The following BCAS4 variants were observed in gnomAD, a reference collection of about 807,000 sequenced individuals.
BCAS4 encodes breast carcinoma-amplified sequence 4.
BCAS4 carries 9 observed loss-of-function variants against 15.7 expected under a neutral mutation model. That is an observed-to-expected ratio of 0.57 (90% CI 0.34 to 1.00). BCAS4 has a LOEUF of 1.00. Among genes scored for constraint, BCAS4 ranks in the 50% least tolerant of loss-of-function variants. The probability of loss-of-function intolerance (pLI) is 0.02; values close to 1 mark genes in which losing one functional copy is unlikely to be tolerated. For synonymous variants in BCAS4, 101 were observed against 99.5 expected (o/e 1.02, Z -0.09); for missense variants, 225 against 239.1 (o/e 0.94, Z 0.39).
intron 4 of BCAS4, among the ~76,000 whole-genome samples, chr20:50,843,355 G>C (rs549487821): frequency 9.2e-5 from 14 of 152,336 alleles, no homozygotes; most frequent in Non-Finnish European, 1.8e-4. Flanking sequence ...GGTACTAACA[G>C]TATCTCCATT....
chr20:50,873,408 G>A (rs754540118), intron 4 of BCAS4, among the ~76,000 whole-genome samples: 1 of 152,230 alleles, frequency 6.6e-6, no homozygotes, highest in Non-Finnish European at 1.5e-5. Flanking sequence ...ACCAGGAGAA[G>A]AAGGGCCGTG....
chr20:50,798,121 C>A (rs1453033412), intron 1 of BCAS4, among the ~76,000 whole-genome samples: 1 of 151,752 alleles, frequency 6.6e-6, no homozygotes, highest in South Asian at 2.1e-4. Context: ...CATGGTGGAA[C>A]CCTGTCTCTA....
At chr20:50,802,079 A>G (rs1307329960) in intron 1 of BCAS4, among the ~76,000 whole-genome samples, 4 of 152,156 alleles carry the variant, frequency 2.6e-5, no homozygotes, top group Admixed American at 6.5e-5. Context: ...TCATGCCTGT[A>G]GTCCCAGCAG....
At chr20:50,880,173 T>C (rs139131280), downstream of BCAS4, 1 of 152,298 alleles carries the variant, frequency 6.6e-6, no homozygotes, top group Non-Finnish European at 1.5e-5. Flanking sequence ...GGGGAAAAGG[T>C]GACAAGTGAA....
intron 4 of BCAS4, among the ~76,000 whole-genome samples, chr20:50,872,727 C>T (rs1979719229): frequency 6.6e-6 from 1 of 152,234 alleles, no homozygotes; most frequent in Non-Finnish European, 1.5e-5. Context: ...TGGCTCATGC[C>T]CCTCTGCCCC....
At position 50,841,117 on chromosome 20, in the gene BCAS4, A is replaced by T. The variant is rs1351054062; in HGVS notation, c.265-649A>T. ...AGTGCTGGGATTACAGGCGTGAGCC[A>T]CCGCACCCCTTTTTCTTCTTGAAAC... On this transcript the variant is annotated intron_variant, in intron 3 of 4. Coordinates refer to ENST00000371608, the MANE Select transcript of BCAS4 (RefSeq NM_198799.4). Among the ~76,000 whole-genome samples the T allele has an allele frequency of 2.0e-5, 3 of 152,198 alleles. 1 individual carries two copies. Among genetic ancestry groups the T allele is most frequent in the Admixed American group, 2.0e-4 (3 of 15,282 alleles).
Position 50,842,632 on chromosome 20 carries a change from G to C in BCAS4, c.399+732G>C, listed in dbSNP as rs928510638. Among the ~76,000 whole-genome samples the C allele has an allele frequency of 6.6e-5, 10 of 152,326 alleles. No individual in the cohort carries two copies. The South Asian group carries it at 1.9e-3, about 28-fold the overall frequency. On this transcript the variant is annotated intron_variant, in intron 4 of 4. Coordinates refer to ENST00000371608, the MANE Select transcript of BCAS4 (RefSeq NM_198799.4). Reference sequence around the variant, plus strand: ...GGGGTTTCACCATGTTGGCCAGGCTGGTCTCGAAGTCCTGACCTCAGGTGA... The same window carrying C: ...GGGGTTTCACCATGTTGGCCAGGCTCGTCTCGAAGTCCTGACCTCAGGTGA...
At chr20:50,800,314 A>T (rs893523118) in intron 1 of BCAS4, among the ~76,000 whole-genome samples, 27 of 151,514 alleles carry the variant, frequency 1.8e-4, no homozygotes, top group African/African-American at 6.3e-4. Flanking sequence ...AAGCCCTGGG[A>T]TGGGATGAAG....
intron 4 of BCAS4, among the ~76,000 whole-genome samples, chr20:50,868,468 C>G (rs1269394464): frequency 6.6e-6 from 1 of 152,156 alleles, no homozygotes; most frequent in Admixed American, 6.5e-5. Flanking sequence ...TATTGCCCAG[C>G]CTATAGTGCA....
At chr20:50,850,333 G>A (rs1978342407) in intron 4 of BCAS4, among the ~76,000 whole-genome samples, 1 of 152,214 alleles carries the variant, frequency 6.6e-6, no homozygotes, top group African/African-American at 2.4e-5. Context: ...GTCACACAGT[G>A]TAACTGGCAG....
intron 4 of BCAS4, among the ~76,000 whole-genome samples, chr20:50,853,753 ACTGGGGGTGTTTTGTGTACTGGAGGG>A (rs1978593895): frequency 9.4e-6 from 1 of 106,240 alleles, no homozygotes; most frequent in Non-Finnish European, 1.8e-5. Context: ...TGTTTTGTGT[ACTGGGGGTGTTTTGTGTACTGGAGGG>A]TGTTTTGTGT....
At chr20:50,844,740 A>T (rs2088522589) in intron 4 of BCAS4, among the ~76,000 whole-genome samples, 1 of 140,380 alleles carries the variant, frequency 7.1e-6, no homozygotes, top group Non-Finnish European at 1.5e-5. Flanking sequence ...TGCTGCAGGG[A>T]TGTGGCATCC....
At chr20:50,807,902 CTTTTTTT>C (rs957736187) in intron 1 of BCAS4, among the ~76,000 whole-genome samples, 11 of 129,526 alleles carry the variant, frequency 8.5e-5, no homozygotes, top group Non-Finnish European at 1.3e-4. Context: ...GCCACATATT[CTTTTTTT>C]TTTTTTTTTT....
intron 3 of BCAS4, among the ~76,000 whole-genome samples, chr20:50,831,286 G>A (rs1416686781): frequency 6.6e-6 from 1 of 152,014 alleles, no homozygotes; most frequent in African/African-American, 2.4e-5. Flanking sequence ...AAAATCAACC[G>A]GGCGTGGTGA....
At chr20:50,799,702 G>A (rs539874455) in intron 1 of BCAS4, among the ~76,000 whole-genome samples, 121 of 152,314 alleles carry the variant, frequency 7.9e-4, no homozygotes, top group Admixed American at 2.2e-3. Flanking sequence ...TCCTGGAGCT[G>A]GGGACGCCAC....
At chr20:50,837,584 T>C (rs2088424521) in intron 3 of BCAS4, among the ~76,000 whole-genome samples, 1 of 152,170 alleles carries the variant, frequency 6.6e-6, no homozygotes, top group Admixed American at 6.5e-5. Context: ...GCCCTCAGGG[T>C]GGCTAAGATT....
intron 1 of BCAS4, among the ~76,000 whole-genome samples, chr20:50,810,877 ACCATGCCCGGC>A (rs2088053369): frequency 6.6e-6 from 1 of 152,094 alleles, no homozygotes; most frequent in Non-Finnish European, 1.5e-5. Context: ...GGTGTGAGCC[ACCATGCCCGGC>A]CATGAAAAAA....
downstream of BCAS4, chr20:50,877,237 T>C (rs1980005109): frequency 6.6e-6 from 1 of 152,268 alleles, no homozygotes; most frequent in South Asian, 2.1e-4. Context: ...TGTGCAGTGT[T>C]TTCTAGAAGG....
At chr20:50,873,056 C>T (rs925805055) in intron 4 of BCAS4, among the ~76,000 whole-genome samples, 2 of 152,228 alleles carry the variant, frequency 1.3e-5, no homozygotes, top group African/African-American at 2.4e-5. Flanking sequence ...TGTCCAAATG[C>T]AGGGATGACC....
Sources: allele counts gnomAD v4.1 joint callset (sites outside exome capture counted in the v4.1 genomes callset), GRCh38; gene constraint gnomAD v4.1.1; transcripts MANE v1.5; gene names NCBI Gene and HGNC (gene_info 2026-07-23, HGNC 2026-07-21).